The following STXBP6 variants were observed in gnomAD, a reference collection of about 807,000 sequenced individuals.
The protein encoded by STXBP6 is syntaxin binding protein 6.
A neutral mutation model predicts 26.9 loss-of-function variants in STXBP6; 21 were observed. The observed-to-expected ratio is 0.78, with a 90% CI of 0.55 to 1.12. The LOEUF (loss-of-function observed/expected upper bound fraction) is 1.12. STXBP6 is among the 50% of genes most tolerant of loss of function. The probability of loss-of-function intolerance (pLI) is 0.00; values close to 1 mark genes in which losing one functional copy is unlikely to be tolerated. For synonymous variants in STXBP6, 97 were observed against 92.6 expected (o/e 1.05, Z -0.27); for missense variants, 232 against 257.9 (o/e 0.90, Z 0.69).
At chr14:24,906,335 G>A (rs2071386126) in intron 2 of STXBP6, among the ~76,000 whole-genome samples, 1 of 152,082 alleles carries the variant, frequency 6.6e-6, no homozygotes, top group Non-Finnish European at 1.5e-5. Context: ...TCAGATAGGT[G>A]TATGGCATGC....
chr14:24,879,119 GA>G (rs1298746727), intron 2 of STXBP6, among the ~76,000 whole-genome samples: 1 of 151,654 alleles, frequency 6.6e-6, no homozygotes, highest in East Asian at 1.9e-4. Flanking sequence ...ACAAAGTAGA[GA>G]AAAAAAATAG....
At position 24,963,935 on chromosome 14, in the gene STXBP6, T is replaced by TAGC. The variant is rs1347641605; in HGVS notation, c.154+10727_154+10729dup. Among the ~76,000 whole-genome samples, 13 of 131,804 alleles carry TAGC rather than the reference T, an allele frequency of 9.9e-5. No homozygotes were observed. In the Admixed American group the frequency reaches 1.1e-3, roughly 11 times the overall value. The allele number at this position is 131,804 out of a possible 152,430, so 86.5% of individuals were successfully genotyped here. A position where few individuals can be genotyped will look rare whatever the true frequency, so the allele number is the denominator to read the frequency against. On this transcript the variant is annotated intron_variant, in intron 2 of 5. Transcript: ENST00000323944. ...CCAAGGGAATTAAAAGACCACCCAGTAGCATCTTAGTGTGTGTGAATAACA... is the reference window on the plus strand; with the variant it reads ...CCAAGGGAATTAAAAGACCACCCAGTAGCAGCATCTTAGTGTGTGTGAATAACA...
At chr14:24,825,197 T>C (rs1430140070) in intron 4 of STXBP6, among the ~76,000 whole-genome samples, 1 of 152,110 alleles carries the variant, frequency 6.6e-6, no homozygotes, top group African/African-American at 2.4e-5. Flanking sequence ...AGTATCTTAG[T>C]AGGGTGAAAT....
chr14:25,036,142 G>A (rs898837907), intron 1 of STXBP6, among the ~76,000 whole-genome samples: 6 of 148,908 alleles, frequency 4.0e-5, no homozygotes, highest in East Asian at 2.0e-4. Context: ...ACTTGAACCC[G>A]GGAGACGGAG....
chr14:24,977,646 C>T (rs1246237885), intron 1 of STXBP6, among the ~76,000 whole-genome samples: 1 of 152,178 alleles, frequency 6.6e-6, no homozygotes, highest in Non-Finnish European at 1.5e-5. Flanking sequence ...ATATGCAGAA[C>T]ACTTATTCTG....
At chr14:25,030,056 A>C (rs1276345949) in intron 1 of STXBP6, among the ~76,000 whole-genome samples, 2 of 152,236 alleles carry the variant, frequency 1.3e-5, no homozygotes, top group Non-Finnish European at 2.9e-5. Context: ...TTACCATCCC[A>C]TTTTACATAT....
chr14:24,855,164 T>C (rs1018346691), intron 4 of STXBP6, among the ~76,000 whole-genome samples: 1 of 152,096 alleles, frequency 6.6e-6, no homozygotes, highest in Non-Finnish European at 1.5e-5. Context: ...AAGGAGAAGA[T>C]GTGATGTATT....
intron 4 of STXBP6, among the ~76,000 whole-genome samples, chr14:24,844,109 A>C (rs1260069668): frequency 1.3e-5 from 2 of 152,196 alleles, no homozygotes; most frequent in African/African-American, 4.8e-5. Flanking sequence ...ATGAAACCCC[A>C]GTAGAAGCCC....
chr14:24,990,659 C>CAAAAAAAAAA lies in STXBP6; in HGVS notation c.-32-15819_-32-15810dup, dbSNP rs1211659589. Reference sequence around the variant, plus strand: ...GACATGAGTGAATGAAACTCCATCTCAAAAAAAAAAAAAAAAAAAAGATAA... The same window carrying CAAAAAAAAAA: ...GACATGAGTGAATGAAACTCCATCTCAAAAAAAAAAAAAAAAAAAAAAAAAAAAAAGATAA... On this transcript the variant is annotated intron_variant, in intron 1 of 5. Coordinates refer to ENST00000323944, the MANE Select transcript of STXBP6 (RefSeq NM_001394410.1). Among the ~76,000 whole-genome samples the CAAAAAAAAAA allele has an allele frequency of 5.9e-4, 34 of 57,266 alleles. 1 individual carries two copies. The highest frequency in any genetic ancestry group is 7.1e-4 in the Non-Finnish European group (21 of 29,568). The allele number at this position is 57,266 out of a possible 152,430, so 37.6% of individuals were successfully genotyped here. A position where few individuals can be genotyped will look rare whatever the true frequency, so the allele number is the denominator to read the frequency against.
At chr14:24,917,867 T>A (rs2071825423) in intron 2 of STXBP6, among the ~76,000 whole-genome samples, 1 of 152,112 alleles carries the variant, frequency 6.6e-6, no homozygotes, top group African/African-American at 2.4e-5. Flanking sequence ...GATGACTTTT[T>A]AAGACATTAT....
intron 4 of STXBP6, among the ~76,000 whole-genome samples, chr14:24,824,040 T>G (rs1253934911): frequency 2.6e-5 from 4 of 152,230 alleles, no homozygotes; most frequent in Non-Finnish European, 5.9e-5. Context: ...AAGGTACAAT[T>G]AAGTCTTATT....
intron 2 of STXBP6, among the ~76,000 whole-genome samples, chr14:24,892,201 A>G (rs1241326896): frequency 6.7e-6 from 1 of 149,698 alleles, no homozygotes; most frequent in African/African-American, 2.5e-5. Context: ...TGTATACATT[A>G]TTTTTTTTTT....
intron 2 of STXBP6, among the ~76,000 whole-genome samples, chr14:24,952,922 T>C (rs750082240): frequency 6.6e-6 from 1 of 152,224 alleles, no homozygotes. Flanking sequence ...CATATATTCA[T>C]GAGCATATGC....
chr14:24,863,848 T>C (rs2069626966), intron 2 of STXBP6, among the ~76,000 whole-genome samples: 2 of 152,164 alleles, frequency 1.3e-5, no homozygotes, highest in South Asian at 4.1e-4. Context: ...ATACAATGAA[T>C]TATAGAACCT....
intron 4 of STXBP6, among the ~76,000 whole-genome samples, chr14:24,823,724 A>G (rs1289099172): frequency 2.0e-5 from 3 of 152,208 alleles, no homozygotes; most frequent in Admixed American, 6.5e-5. Flanking sequence ...TCCATAATCA[A>G]TTTAACCACT....
At chr14:25,028,775 T>C (rs2075396016) in intron 1 of STXBP6, among the ~76,000 whole-genome samples, 1 of 152,152 alleles carries the variant, frequency 6.6e-6, no homozygotes, top group Non-Finnish European at 1.5e-5. Flanking sequence ...GTCACCATTC[T>C]AGATGCCTTT....
Position 25,022,463 on chromosome 14 carries a change from C to T in STXBP6, c.-33+27415G>A, listed in dbSNP as rs141694102. The stretch of plus-strand genomic sequence containing the variant: ...CAGGTAAGTTGGGGAATGATTGGCT[C>T]ACCCTGGGTCACACACTTCATCTAG... On this transcript the variant is annotated intron_variant, in intron 1 of 5. Transcript: ENST00000323944. Among the ~76,000 whole-genome samples, 430 of 152,272 alleles carry T rather than the reference C, an allele frequency of 2.8e-3. 5 individuals are homozygous for T. The highest frequency in any genetic ancestry group is 9.1e-3 in the African/African-American group (378 of 41,552).
intron 5 of STXBP6, among the ~76,000 whole-genome samples, 153 bp downstream of exon 5, chr14:24,818,884 C>G (rs1166129535): frequency 6.6e-6 from 1 of 152,198 alleles, no homozygotes; most frequent in African/African-American, 2.4e-5. Flanking sequence ...TTCCACGACT[C>G]AGGTGTTTAG....
intron 1 of STXBP6, among the ~76,000 whole-genome samples, chr14:25,023,901 T>C (rs143167622): frequency 0.014 from 2,195 of 152,298 alleles, 48 homozygotes; most frequent in African/African-American, 0.048. Context: ...GGGAGGTCGA[T>C]AGGGCACATA....
Sources: gnomAD v4.1 joint callset for allele counts (sites outside exome capture counted in the v4.1 genomes callset) on GRCh38, gnomAD v4.1.1 for gene constraint, MANE v1.5 for transcripts, NCBI Gene and HGNC (gene_info 2026-07-23, HGNC 2026-07-21) for gene names.